The following NFATC1 variants were observed in gnomAD, a reference collection of about 807,000 sequenced individuals.
NFATC1 encodes nuclear factor of activated T-cells, cytoplasmic 1.
NFATC1 carries 22 observed loss-of-function variants against 76.0 expected under a neutral mutation model. The observed-to-expected ratio is 0.29, with a 90% CI of 0.21 to 0.41. The LOEUF is 0.41. Ranked by LOEUF, NFATC1 falls within the 10% of genes least tolerant of loss-of-function variation. NFATC1 has a pLI of 1.00. For missense variants in NFATC1, 1,357 were observed against 1,337.7 expected (o/e 1.01, Z -0.23); for synonymous variants, 704 against 613.1 (o/e 1.15, Z -2.19).
At chr18:79,517,552 A>G (rs1367547594) in intron 9 of NFATC1, among the ~76,000 whole-genome samples, 5 of 152,324 alleles carry the variant, frequency 3.3e-5, no homozygotes, top group Non-Finnish European at 1.5e-5. Flanking sequence ...CAATAGGAAC[A>G]TGCCCCCGTA....
intron 3 of NFATC1, among the ~76,000 whole-genome samples, chr18:79,441,175 A>G (rs2086961254): frequency 6.6e-6 from 1 of 152,124 alleles, no homozygotes; most frequent in Non-Finnish European, 1.5e-5. Flanking sequence ...AGGGAAATAG[A>G]AGGTTTCACC....
intron 6 of NFATC1, among the ~76,000 whole-genome samples, chr18:79,459,989 A>T (rs1354641908): frequency 6.6e-6 from 1 of 152,224 alleles, no homozygotes; most frequent in African/African-American, 2.4e-5. Context: ...AGATGGCTTC[A>T]AGCGCAACTG....
intron 1 of NFATC1, among the ~76,000 whole-genome samples, chr18:79,401,438 A>G (rs1401506349): frequency 6.6e-6 from 1 of 151,176 alleles, no homozygotes; most frequent in Non-Finnish European, 1.5e-5. Context: ...TCGACTCACC[A>G]CTCCCCAAAT....
Position 79,527,840 on chromosome 18 carries a change from A to G in NFATC1, c.*263A>G, listed in dbSNP as rs2090809654. On this transcript the variant is annotated 3_prime_UTR_variant, in exon 10 of 10. Transcript: ENST00000427363. ...TGGCCGGGCTGAGCACGGGAGACCC[A>G]CCGTGCAGGGGCCTTTCATGGGAAC... 1 of 549,640 alleles carries G rather than the reference A, an allele frequency of 1.8e-6. No individual in the cohort carries two copies. The allele number at this position is 549,640 out of a possible 1,614,324, so 34.0% of individuals were successfully genotyped here. A position where few individuals can be genotyped will look rare whatever the true frequency, so the allele number is the denominator to read the frequency against.
chr18:79,396,307 G>A lies in NFATC1; in HGVS notation c.83G>A (p.Gly28Glu). ...GTCTTCGGGAGAGGAGAAACTTTGG[G>A]GCCCGCGCCGCGCGCCGGCGGCACC... ...AAVFGRGETL[G>E]PAPRAGGTMK... The change falls in exon 1 of 10, where the codon GGG becomes GAG. Residue 28 changes from glycine (G) to glutamate (E), a missense_variant. This residue lies in a region of NFATC1 where 691 missense variants were observed against 613.1 expected (regional missense o/e 1.13). Transcript: ENST00000427363. The A allele has an allele frequency of 7.0e-7, 1 of 1,428,544 alleles. No individual in the cohort carries two copies. Among genetic ancestry groups the A allele is most frequent in the Non-Finnish European group, 9.3e-7 (1 of 1,077,160 alleles). 88.5% of individuals were successfully genotyped at this position (1,428,544 alleles called of 1,614,324 possible).
At chr18:79,441,730 C>T (rs1188078979) in intron 3 of NFATC1, among the ~76,000 whole-genome samples, 1 of 152,098 alleles carries the variant, frequency 6.6e-6, no homozygotes, top group African/African-American at 2.4e-5. Flanking sequence ...GCCGTTTCTC[C>T]CTTCGTGGCC....
rs773206226 is a variant in NFATC1, at chr18:79,411,011, G to C, written c.736G>C (p.Val246Leu). 1.7e-5 allele frequency: 28 copies of C among 1,611,036 alleles called. No homozygotes were observed. Among genetic ancestry groups the C allele is most frequent in the African/African-American group, 2.7e-5 (2 of 74,874 alleles). Residue 246 changes from valine to leucine, a missense_variant, in exon 2 of 10, where the codon GTC becomes CTC. Transcript: ENST00000427363. The part of the protein sequence containing the change: ...HSPSTSPRAS[V>L]TEESWLGARS... ...CCCCTCCACCTCGCCCCGCGCCAGCGTCACTGAGGAGAGCTGGCTGGGTGC... is the reference window on the plus strand; with the variant it reads ...CCCCTCCACCTCGCCCCGCGCCAGCCTCACTGAGGAGAGCTGGCTGGGTGC...
At chr18:79,500,528 T>C (rs2145133751) in intron 9 of NFATC1, among the ~76,000 whole-genome samples, 2 of 151,812 alleles carry the variant, frequency 1.3e-5, no homozygotes, top group African/African-American at 4.8e-5. Flanking sequence ...AAAAAGGAAA[T>C]GCTGAGGATG....
At chr18:79,489,151 C>G (rs1199450011) in intron 9 of NFATC1, among the ~76,000 whole-genome samples, 3 of 152,246 alleles carry the variant, frequency 2.0e-5, no homozygotes, top group Non-Finnish European at 2.9e-5. Flanking sequence ...TGAGCCAGGC[C>G]TTGCCTTGGG....
Position 79,486,255 on chromosome 18 carries a change from T to C in NFATC1, c.2100T>C (p.Ile700=), listed in dbSNP as rs1263213575. 23 of 1,596,862 alleles carry C rather than the reference T, an allele frequency of 1.4e-5. No homozygotes were observed. The Admixed American group carries it at 3.9e-4, about 27-fold the overall frequency. ...RFTYLPANVP[I]IKTEPTDDYE... ...TTTTTTTCCTTCTCACAGTTCCAAT[T>C]ATAAAAACAGAACCCACTGATGATT... The change falls in exon 9 of 10, where the codon ATT becomes ATC. Residue 700 remains isoleucine (I), a synonymous_variant. Coordinates refer to ENST00000427363, the MANE Select transcript of NFATC1 (RefSeq NM_001278669.2).
chr18:79,448,660 A>C (rs1469291339), intron 3 of NFATC1, 122 bp from the exon 4 acceptor site: 9 of 900,542 alleles, frequency 1.0e-5, no homozygotes, highest in Non-Finnish European at 1.4e-5. Flanking sequence ...GCAGAGAAAT[A>C]AAAAGGGGGC....
chr18:79,473,503 G>A (rs968913956), intron 8 of NFATC1, among the ~76,000 whole-genome samples: 4 of 150,364 alleles, frequency 2.7e-5, no homozygotes, highest in East Asian at 2.0e-4. Context: ...GCTCACTATC[G>A]ACGTAAACCT....
Position 79,425,885 on chromosome 18 carries a change from T to C in NFATC1, c.1227-7694T>C, listed in dbSNP as rs1186768372. 2.0e-5 allele frequency among the ~76,000 whole-genome samples: 3 copies of C among 152,364 alleles called. No homozygotes were observed. In the East Asian group the frequency reaches 5.8e-4, roughly 29 times the overall value. The stretch of plus-strand genomic sequence containing the variant: ...TGTACAAATAACAAACACCGTTCAC[T>C]GTAGAAGACTTTTAAACACAGATAA... On this transcript the variant is annotated intron_variant, in intron 2 of 9. Transcript: ENST00000427363.
chr18:79,520,264 C>T (rs1241014581), intron 9 of NFATC1, among the ~76,000 whole-genome samples: 3 of 151,512 alleles, frequency 2.0e-5, no homozygotes, highest in East Asian at 2.0e-4. Flanking sequence ...CGGCAGCCCT[C>T]GCGTGGCGTT....
At chr18:79,406,684 C>T (rs1437423687) in intron 1 of NFATC1, among the ~76,000 whole-genome samples, 1 of 152,188 alleles carries the variant, frequency 6.6e-6, no homozygotes, top group African/African-American at 2.4e-5. Flanking sequence ...GGTGAGAATG[C>T]AGAGTAATGA....
At chr18:79,453,752 G>GGGT in intron 6 of NFATC1, among the ~76,000 whole-genome samples, 1 of 152,232 alleles carries the variant, frequency 6.6e-6, no homozygotes, top group African/African-American at 2.4e-5. Flanking sequence ...AATACTGCAG[G>GGGT]GATGAAGCCA....
intron 7 of NFATC1, among the ~76,000 whole-genome samples, chr18:79,461,580 G>A (rs2088099574): frequency 6.6e-6 from 1 of 152,246 alleles, no homozygotes; most frequent in Admixed American, 6.5e-5. Flanking sequence ...CACCCAACGT[G>A]TCAGGTCACG....
chr18:79,436,612 G>A (rs184783532), intron 3 of NFATC1, among the ~76,000 whole-genome samples: 21 of 152,368 alleles, frequency 1.4e-4, no homozygotes, highest in Admixed American at 2.0e-4. Context: ...AGTGAAGCAC[G>A]TGAGCAGAAC....
rs115723953 is a variant in NFATC1, at chr18:79,429,364, C to A, written c.1227-4215C>A. ...GTGGATGTTGGATGCAAATTTCACC[C>A]GAGCTTTTTTTTTTATTTTTTCAGT... On this transcript the variant is annotated intron_variant, in intron 2 of 9. Transcript: ENST00000427363. Among the ~76,000 whole-genome samples the A allele has an allele frequency of 5.0e-3, 756 of 152,000 alleles. 10 individuals carry two copies. Among genetic ancestry groups the A allele is most frequent in the African/African-American group, 0.017 (709 of 41,462 alleles).
Sources: allele counts gnomAD v4.1 joint callset (sites outside exome capture counted in the v4.1 genomes callset), GRCh38; gene constraint gnomAD v4.1.1; regional missense constraint gnomAD v4.1.1; transcripts MANE v1.5; gene names NCBI Gene and HGNC (gene_info 2026-07-23, HGNC 2026-07-21).